EDEM1: variants seen among roughly 807,000 people sequenced by gnomAD.
EDEM1 encodes the protein ER degradation enhancing alpha-mannosidase like protein 1, also known as ER degradation-enhancing alpha-mannosidase-like protein 1.
A neutral mutation model predicts 74.4 loss-of-function variants in EDEM1; 67 were observed. The ratio of observed to expected loss-of-function variants is 0.90; its 90% CI spans 0.74 to 1.10. The LOEUF is 1.10. Among genes scored for constraint, EDEM1 ranks in the 50% least tolerant of loss-of-function variants. The pLI is 0.00. For missense variants in EDEM1, 926 were observed against 851.6 expected (o/e 1.09, Z -1.09); for synonymous variants, 382 against 335.9 (o/e 1.14, Z -1.50).
At chr3:5,198,904 T>C (rs1011057553) in intron 2 of EDEM1, among the ~76,000 whole-genome samples, 1 of 152,224 alleles carries the variant, frequency 6.6e-6, no homozygotes, top group Non-Finnish European at 1.5e-5. Flanking sequence ...TAAAGTTTGA[T>C]GCCCAACTGT....
chr3:5,201,497 C>A (rs7618143), intron 3 of EDEM1, among the ~76,000 whole-genome samples: 2,427 of 152,200 alleles, frequency 0.016, 68 homozygotes, highest in African/African-American at 0.056. Flanking sequence ...AAAATTGTTA[C>A]TATTTTAAAT....
At chr3:5,203,486 A>C (rs1315214170) in intron 5 of EDEM1, among the ~76,000 whole-genome samples, 1 of 152,206 alleles carries the variant, frequency 6.6e-6, no homozygotes, top group Non-Finnish European at 1.5e-5. Flanking sequence ...AGGAATTTAG[A>C]GTTACTGATG....
At chr3:5,191,172 G>A (rs1173009069) in intron 1 of EDEM1, among the ~76,000 whole-genome samples, 1 of 152,102 alleles carries the variant, frequency 6.6e-6, no homozygotes, top group African/African-American at 2.4e-5. Context: ...TGAAACAGGA[G>A]GGTACTTCAC....
chr3:5,196,370 A>G (rs2054967146), intron 2 of EDEM1, among the ~76,000 whole-genome samples: 1 of 152,072 alleles, frequency 6.6e-6, no homozygotes, highest in Non-Finnish European at 1.5e-5. Flanking sequence ...GGCAGGAGAA[A>G]TGCTTGAACC....
Position 5,218,966 on chromosome 3 carries a change from T to C in EDEM1, c.*3048T>C, listed in dbSNP as rs1553595621. 2 of 152,202 alleles carry C rather than the reference T, an allele frequency of 1.3e-5. No homozygotes were observed. Among genetic ancestry groups the C allele is most frequent in the Non-Finnish European group, 1.5e-5 (1 of 68,042 alleles). 9.4% of individuals were successfully genotyped at this position (152,202 alleles called of 1,614,324 possible). On this transcript the variant is annotated 3_prime_UTR_variant, in exon 12 of 12. Transcript: ENST00000256497. ...CACGTGACACTTAAATAATTTTCTA[T>C]GTATTTAAAGAAAAATGCACCAGGA...
At position 5,219,660 on chromosome 3, in the gene EDEM1, G is replaced by A. The variant is rs2055289469; in HGVS notation, c.*3742G>A. On this transcript the variant is annotated 3_prime_UTR_variant, in exon 12 of 12. Transcript: ENST00000256497. ...AGTTTTAAATAGCAAAACACAAGCT[G>A]CATTTTTATTTATTTTGCATAAGAA... The A allele has an allele frequency of 6.6e-6, 1 of 152,582 alleles. No homozygotes were observed. Among genetic ancestry groups the A allele is most frequent in the Non-Finnish European group, 1.5e-5 (1 of 68,036 alleles). The allele number at this position is 152,582 out of a possible 1,614,324, so 9.5% of individuals were successfully genotyped here. A position where few individuals can be genotyped will look rare whatever the true frequency, so the allele number is the denominator to read the frequency against.
Position 5,192,102 on chromosome 3 carries a change from C to G in EDEM1, c.510-3107C>G, listed in dbSNP as rs150607953. Among the ~76,000 whole-genome samples the G allele has an allele frequency of 1.4e-3, 209 of 152,362 alleles. 1 individual carries two copies. The highest frequency in any genetic ancestry group is 4.9e-3 in the African/African-American group (204 of 41,582). ...CCTGCCCTCTTTCAGAGTCAGGCTC[C>G]TCTTGTTTCCGTGACACCATCTAAC... On this transcript the variant is annotated intron_variant, in intron 1 of 11. Transcript: ENST00000256497.
chr3:5,208,529 T>A lies in EDEM1; in HGVS notation c.1509+266T>A, dbSNP rs547141921. Among the ~76,000 whole-genome samples the A allele has an allele frequency of 4.6e-5, 7 of 152,268 alleles. No homozygotes were observed. The South Asian group carries it at 6.2e-4, about 14-fold the overall frequency. ...TTTACCGTAGGACTTATAACTCACA[T>A]CTTTAAGTATTCATGAGGAAGATTT... On this transcript the variant is annotated intron_variant, in intron 8 of 11. Transcript: ENST00000256497.
intron 1 of EDEM1, among the ~76,000 whole-genome samples, chr3:5,194,889 G>T (rs1275593048): frequency 6.6e-6 from 1 of 152,168 alleles, no homozygotes; most frequent in Non-Finnish European, 1.5e-5. Context: ...TTTAAAGTTG[G>T]ACAGGACCAA....
Position 5,188,269 on chromosome 3 carries a change from T to C in EDEM1, c.464T>C (p.Leu155Pro). The change falls in exon 1 of 12, where the codon CTC becomes CCC. Residue 155 changes from leucine to proline, a missense_variant. By Grantham distance (98) the Leu-to-Pro change is moderately conservative (BLOSUM62 -3). Coordinates refer to ENST00000256497, the MANE Select transcript of EDEM1 (RefSeq NM_014674.3). Reference protein sequence around the residue: ...YMAHAFPQDELNPIHCRGRGP... With the variant: ...YMAHAFPQDEPNPIHCRGRGP... ...GCTCACGCCTTCCCCCAGGACGAGC[T>C]CAACCCCATCCACTGCCGCGGCCGT... 1 of 1,567,048 alleles carries C rather than the reference T, an allele frequency of 6.4e-7. No homozygotes were observed. Among genetic ancestry groups the C allele is most frequent in the Non-Finnish European group, 8.6e-7 (1 of 1,158,754 alleles).
chr3:5,190,002 G>GGT (rs1553588010), intron 1 of EDEM1, among the ~76,000 whole-genome samples: 21 of 150,930 alleles, frequency 1.4e-4, no homozygotes, highest in East Asian at 9.7e-4. Flanking sequence ...TTTTTTTTGG[G>GGT]GGGGGGGATA....
chr3:5,191,265 C>A (rs1157691792), intron 1 of EDEM1, among the ~76,000 whole-genome samples: 1 of 152,060 alleles, frequency 6.6e-6, no homozygotes, highest in Non-Finnish European at 1.5e-5. Flanking sequence ...GTTCTGTCAC[C>A]CAGGCTGGAG....
intron 1 of EDEM1, among the ~76,000 whole-genome samples, chr3:5,190,848 C>G (rs2054893880): frequency 6.6e-6 from 1 of 151,972 alleles, no homozygotes; most frequent in South Asian, 2.1e-4. Context: ...TTTAACTCCT[C>G]TCAGGCTTTG....
chr3:5,206,888 C>T (rs1446145614), intron 6 of EDEM1, among the ~76,000 whole-genome samples: 1 of 152,180 alleles, frequency 6.6e-6, no homozygotes, highest in Non-Finnish European at 1.5e-5. Flanking sequence ...ACCCAAAGCT[C>T]AAAGTGCTTT....
chr3:5,190,744 G>T (rs1302734701), intron 1 of EDEM1, among the ~76,000 whole-genome samples: 8 of 152,190 alleles, frequency 5.3e-5, no homozygotes, highest in African/African-American at 1.9e-4. Context: ...GTAAACCTTT[G>T]TTGTCTTTGA....
chr3:5,211,465 G>C (rs2055166793), intron 10 of EDEM1: 1 of 433,314 alleles, frequency 2.3e-6, no homozygotes, highest in Non-Finnish European at 4.3e-6. Flanking sequence ...GGAAATCCTG[G>C]TAACGATTGA....
intron 3 of EDEM1, 30 bp downstream of exon 3, chr3:5,199,725 T>C: frequency 6.4e-7 from 1 of 1,563,152 alleles, no homozygotes; most frequent in South Asian, 1.2e-5. Flanking sequence ...TAAAATGAAT[T>C]GGAGACTTCT....
At chr3:5,212,342 G>A (rs1038525148) in intron 10 of EDEM1, among the ~76,000 whole-genome samples, 2 of 152,240 alleles carry the variant, frequency 1.3e-5, no homozygotes, top group Non-Finnish European at 1.5e-5. Context: ...GTCGATTCCT[G>A]TGTGTGCAGT....
intron 10 of EDEM1, among the ~76,000 whole-genome samples, chr3:5,213,102 C>T (rs1273299306): frequency 6.6e-6 from 1 of 152,144 alleles, no homozygotes; most frequent in Non-Finnish European, 1.5e-5. Flanking sequence ...AGGGGAGAGG[C>T]AGGTCTGGGC....
Sources: allele counts gnomAD v4.1 joint callset (sites outside exome capture counted in the v4.1 genomes callset), GRCh38; gene constraint gnomAD v4.1.1; transcripts MANE v1.5; gene names NCBI Gene and HGNC (gene_info 2026-07-23, HGNC 2026-07-21).